Variants in FAM135A observed in about 807,000 individuals in gnomAD.
FAM135A encodes family with sequence similarity 135 member A.
FAM135A carries 79 observed loss-of-function variants against 146.8 expected under a neutral mutation model. The observed-to-expected ratio is 0.54, with a 90% CI of 0.45 to 0.65. The LOEUF (loss-of-function observed/expected upper bound fraction) is 0.65. FAM135A is among the 30% of genes least tolerant of loss of function. The pLI is 0.00. For synonymous variants in FAM135A, 562 were observed against 603.6 expected (o/e 0.93, Z 1.01); for missense variants, 1,623 against 1,758.2 (o/e 0.92, Z 1.38).
intron 8 of FAM135A, among the ~76,000 whole-genome samples, chr6:70,478,153 A>T (rs1162321151): frequency 6.6e-6 from 1 of 152,172 alleles, no homozygotes; most frequent in African/African-American, 2.4e-5. Context: ...AACCTTTTAA[A>T]ACTATATCAT....
At chr6:70,452,143 T>G (rs573052695) in intron 4 of FAM135A, among the ~76,000 whole-genome samples, 1 of 152,186 alleles carries the variant, frequency 6.6e-6, no homozygotes, top group Non-Finnish European at 1.5e-5. Flanking sequence ...TATAAGTAAT[T>G]ATCTTTTTAT....
In FAM135A at chr6:70,517,421, T is replaced by C. The variant is rs538058633; in HGVS notation, c.1030-5092T>C. ...TGGTGTGCACGTCTTTTTCCTTTTTTTTTTTTTTTTTTTTTAGATGGAGTT... is the reference window on the plus strand; with the variant it reads ...TGGTGTGCACGTCTTTTTCCTTTTTCTTTTTTTTTTTTTTTAGATGGAGTT... On this transcript the variant is annotated intron_variant, in intron 12 of 21. Coordinates refer to ENST00000418814, the MANE Select transcript of FAM135A (RefSeq NM_001162529.3). Among the ~76,000 whole-genome samples the C allele has an allele frequency of 4.0e-3, 606 of 150,368 alleles. 4 individuals are homozygous for C. The highest frequency in any genetic ancestry group is 0.014 in the African/African-American group (576 of 40,994).
At chr6:70,489,781 T>A (rs896322380) in intron 10 of FAM135A, among the ~76,000 whole-genome samples, 14 of 152,160 alleles carry the variant, frequency 9.2e-5, no homozygotes, top group African/African-American at 3.4e-4. Context: ...CTTGTCTCGT[T>A]AGCATTTAAA....
In FAM135A at chr6:70,533,850, A is replaced by C; in HGVS notation, c.3961A>C (p.Ile1321Leu). The C allele has an allele frequency of 7.0e-7, 1 of 1,433,586 alleles. No individual in the cohort carries two copies. Among genetic ancestry groups the C allele is most frequent in the Non-Finnish European group, 9.4e-7 (1 of 1,061,224 alleles). 88.8% of individuals were successfully genotyped at this position (1,433,586 alleles called of 1,614,324 possible). ...GATATATAGTCTAACAGTCTCAAAA[A>C]TAAGGTATCTTCTTTAATATTATGC... ...IQIYSLTVSK[I>L]SFIGHSLGNL... Residue 1321 changes from isoleucine (I) to leucine (L), a missense_variant, in exon 18 of 22, where the codon ATA becomes CTA. By Grantham distance (5) the Ile-to-Leu change is conservative. Around this residue, in one of 7 missense-constraint regions of FAM135A, gnomAD observed 1,061 missense variants for 1,113.8 expected, o/e 0.95. Transcript: ENST00000418814.
In FAM135A at chr6:70,525,798, A is replaced by G. The variant is rs1370209512; in HGVS notation, c.2714A>G (p.Asn905Ser). 1 of 1,613,312 alleles carries G rather than the reference A, an allele frequency of 6.2e-7. No individual in the cohort carries two copies. The highest frequency in any genetic ancestry group is 8.5e-7 in the Non-Finnish European group (1 of 1,179,606). ...GTTGTATTTTCAGGGAACTTGGACAATGAAACTGTAGCAATACATTCCTTA... is the reference window on the plus strand; with the variant it reads ...GTTGTATTTTCAGGGAACTTGGACAGTGAAACTGTAGCAATACATTCCTTA... ...QSVVFSGNLD[N>S]ETVAIHSLNS... is the part of the protein sequence containing the mutation. The change falls in exon 15 of 22, where the codon AAT becomes AGT. Residue 905 changes from asparagine to serine, a missense_variant. Physicochemically the swap from Asn to Ser is conservative, Grantham distance 46. Transcript: ENST00000418814.
intron 4 of FAM135A, among the ~76,000 whole-genome samples, chr6:70,439,679 A>C (rs530231277): frequency 6.6e-6 from 1 of 152,010 alleles, no homozygotes; most frequent in East Asian, 1.9e-4. Context: ...TTGCTCTCCT[A>C]TACTCTTTTG....
chr6:70,541,763 A>T (rs1054362876), intron 20 of FAM135A, among the ~76,000 whole-genome samples: 2 of 152,122 alleles, frequency 1.3e-5, no homozygotes, highest in African/African-American at 4.8e-5. Flanking sequence ...CTTCAAATCT[A>T]GTGTTTTCAG....
At chr6:70,470,592 A>G (rs1424059176) in intron 5 of FAM135A, among the ~76,000 whole-genome samples, 1 of 152,200 alleles carries the variant, frequency 6.6e-6, no homozygotes, top group Non-Finnish European at 1.5e-5. Flanking sequence ...CCTGACCTCA[A>G]GTGATCTGCC....
chr6:70,415,628 C>A lies in FAM135A; in HGVS notation c.-134+252C>A, dbSNP rs532064124. Among the ~76,000 whole-genome samples, 85 of 152,164 alleles carry A rather than the reference C, an allele frequency of 5.6e-4. 1 individual carries two copies. Among genetic ancestry groups the A allele is most frequent in the Middle Eastern group, 3.4e-3 (1 of 294 alleles). ...CTGCTTCTCAAGGAAGCTTGCACTT[C>A]CTTCAAATAAAAAGCCAGGTCTTTT... is the stretch of plus-strand genomic sequence containing the variant. On this transcript the variant is annotated intron_variant, in intron 2 of 21. Coordinates refer to ENST00000418814, the MANE Select transcript of FAM135A (RefSeq NM_001162529.3).
At chr6:70,422,338 A>C (rs1769037232) in intron 2 of FAM135A, among the ~76,000 whole-genome samples, 1 of 152,108 alleles carries the variant, frequency 6.6e-6, no homozygotes, top group African/African-American at 2.4e-5. Context: ...CAGTCCTCTG[A>C]ATTTTTTTTC....
At chr6:70,464,148 G>A (rs1779933954) in intron 5 of FAM135A, among the ~76,000 whole-genome samples, 1 of 152,300 alleles carries the variant, frequency 6.6e-6, no homozygotes, top group Non-Finnish European at 1.5e-5. Context: ...AGATACCAGT[G>A]CTAACTTTTA....
At position 70,555,408 on chromosome 6, in the gene FAM135A, T is replaced by C. The variant is rs139076175; in HGVS notation, c.4229-1342T>C. Among the ~76,000 whole-genome samples the C allele has an allele frequency of 3.5e-3, 536 of 152,218 alleles. 4 individuals carry two copies. The highest frequency in any genetic ancestry group is 6.8e-3 in the Middle Eastern group (2 of 294). ...AGCCTCCTGAGTGAGACTACAGTTA[T>C]GCAGCACCACACCTGGCTAATTTTC... is the stretch of plus-strand genomic sequence containing the variant. On this transcript the variant is annotated intron_variant, in intron 20 of 21. Transcript: ENST00000418814.
chr6:70,414,285 TCCTGGTTC>T (rs1767005226), intron 1 of FAM135A, among the ~76,000 whole-genome samples: 2 of 152,216 alleles, frequency 1.3e-5, no homozygotes, highest in South Asian at 4.1e-4. Flanking sequence ...CGGTACTTCC[TCCTGGTTC>T]CCTTTTTGTT....
At chr6:70,437,244 A>G (rs905954775) in intron 4 of FAM135A, among the ~76,000 whole-genome samples, 13 of 152,184 alleles carry the variant, frequency 8.5e-5, no homozygotes, top group African/African-American at 3.1e-4. Flanking sequence ...TGTAAATAAC[A>G]ATATGTATAC....
intron 21 of FAM135A, 21 bp downstream of exon 21, chr6:70,556,884 C>A: frequency 6.2e-7 from 1 of 1,600,580 alleles, no homozygotes; most frequent in Non-Finnish European, 8.5e-7. Context: ...AAAATTATTT[C>A]AAAGAGTTAT....
In FAM135A at chr6:70,524,425, C is replaced by T; in HGVS notation, c.1341C>T (p.Ser447=). The change falls in exon 15 of 22, where the codon AGC becomes AGT. Residue 447 remains serine (S), a synonymous_variant. Coordinates refer to ENST00000418814, the MANE Select transcript of FAM135A (RefSeq NM_001162529.3). ...SKMDKYETEE[S]SVAGLSSPEL... Reference sequence around the variant, plus strand: ...TGGATAAATATGAGACTGAAGAAAGCTCTGTAGCAGGACTTTCTAGCCCAG... The same window carrying T: ...TGGATAAATATGAGACTGAAGAAAGTTCTGTAGCAGGACTTTCTAGCCCAG... 20 of 1,541,802 alleles carry T rather than the reference C, an allele frequency of 1.3e-5. No homozygotes were observed. The highest frequency in any genetic ancestry group is 1.6e-5 in the Non-Finnish European group (18 of 1,144,440).
chr6:70,439,113 G>A lies in FAM135A; in HGVS notation c.77+10694G>A, dbSNP rs1007630633. Among the ~76,000 whole-genome samples, 13 of 152,284 alleles carry A rather than the reference G, an allele frequency of 8.5e-5. 1 individual carries two copies. Among genetic ancestry groups the A allele is most frequent in the Non-Finnish European group, 1.2e-4 (8 of 68,016 alleles). On this transcript the variant is annotated intron_variant, in intron 4 of 21. Transcript: ENST00000418814. Reference sequence around the variant, plus strand: ...CGCTTGAGTCCAGGAGTTGAAGGCTGCGATGAGCTGTGATTGCACCAGCCT... The same window carrying A: ...CGCTTGAGTCCAGGAGTTGAAGGCTACGATGAGCTGTGATTGCACCAGCCT...
In FAM135A at chr6:70,560,966, A is replaced by G. The variant is rs538546904; in HGVS notation, c.*1045A>G. 1 of 152,754 alleles carries G rather than the reference A, an allele frequency of 6.5e-6. No homozygotes were observed. The highest frequency in any genetic ancestry group is 2.4e-5 in the African/African-American group (1 of 41,602). The allele number at this position is 152,754 out of a possible 1,614,324, so 9.5% of individuals were successfully genotyped here. A position where few individuals can be genotyped will look rare whatever the true frequency, so the allele number is the denominator to read the frequency against. ...GACTTTACTAAAGGTGCTGAATAGC[A>G]TTAAATTCACTATTTTCCTTTTCTG... is the stretch of plus-strand genomic sequence containing the variant. On this transcript the variant is annotated 3_prime_UTR_variant, in exon 22 of 22. Coordinates refer to ENST00000418814, the MANE Select transcript of FAM135A (RefSeq NM_001162529.3).
intron 12 of FAM135A, chr6:70,504,285 A>G (rs564421610): frequency 6.6e-6 from 1 of 152,330 alleles, no homozygotes; most frequent in South Asian, 2.1e-4. Context: ...TGAAGTGCCT[A>G]TTCTAATGTT....
Sources: gnomAD v4.1 joint callset for allele counts (sites outside exome capture counted in the v4.1 genomes callset) on GRCh38, gnomAD v4.1.1 for gene constraint, gnomAD v4.1.1 regional missense constraint, MANE v1.5 for transcripts, NCBI Gene and HGNC (gene_info 2026-07-23, HGNC 2026-07-21) for gene names.